Variants in SDK1 observed in about 807,000 individuals in gnomAD.
SDK1 encodes sidekick cell adhesion molecule 1, also known as protein sidekick-1.
Under a neutral mutation model 245.5 loss-of-function variants are expected in SDK1, and 157 were observed. The observed-to-expected ratio is 0.64, with a 90% CI of 0.56 to 0.73. SDK1 has a LOEUF of 0.73. Among genes scored for constraint, SDK1 ranks in the 30% least tolerant of loss-of-function variants. The pLI, the probability that SDK1 is intolerant of heterozygous loss-of-function variation, is 0.00. For synonymous variants in SDK1, 1,647 were observed against 1,278.5 expected (o/e 1.29, Z -6.15); for missense variants, 3,583 against 3,002.3 (o/e 1.19, Z -4.52).
At chr7:3,486,935 T>C (rs1548209) in intron 1 of SDK1, among the ~76,000 whole-genome samples, 90,410 of 152,038 alleles carry the variant, frequency 0.59, 27,291 homozygotes, top group South Asian at 0.77. Flanking sequence ...TTATTACATG[T>C]GTAAAGGTTA....
chr7:3,655,501 A>ATATGTATGTATGTATGCATGTATG (rs1283673481), intron 4 of SDK1, among the ~76,000 whole-genome samples: 3 of 52,818 alleles, frequency 5.7e-5, no homozygotes, highest in African/African-American at 1.7e-4. Context: ...ATATATATAT[A>ATATGTATGTATGTATGCATGTATG]TATGTATGTA....
chr7:3,505,159 C>T (rs941786930), intron 1 of SDK1, among the ~76,000 whole-genome samples: 1 of 152,016 alleles, frequency 6.6e-6, no homozygotes, highest in Non-Finnish European at 1.5e-5. Flanking sequence ...TCTTTTAGGT[C>T]AATTGAATAT....
At chr7:4,109,206 C>T (rs1027965197) in intron 22 of SDK1, among the ~76,000 whole-genome samples, 11 of 152,138 alleles carry the variant, frequency 7.2e-5, no homozygotes, top group African/African-American at 2.7e-4. Flanking sequence ...CTGGCTTATG[C>T]GGTGACTGTG....
chr7:3,445,968 A>G (rs565245778), intron 1 of SDK1, among the ~76,000 whole-genome samples: 2 of 151,972 alleles, frequency 1.3e-5, no homozygotes, highest in Admixed American at 6.6e-5. Context: ...TATTATTTCA[A>G]CTGAGAATGT....
chr7:3,853,072 G>T (rs921163850), intron 5 of SDK1, among the ~76,000 whole-genome samples: 1 of 151,856 alleles, frequency 6.6e-6, no homozygotes, highest in Non-Finnish European at 1.5e-5. Context: ...AAACCCACAC[G>T]TGGGAAAAGT....
intron 1 of SDK1, among the ~76,000 whole-genome samples, chr7:3,321,831 C>CCTT (rs1779821120): frequency 1.0e-5 from 1 of 98,040 alleles, no homozygotes; most frequent in African/African-American, 4.2e-5. Context: ...CTTCCTTCCT[C>CCTT]CTTTTCTCTC....
At chr7:3,591,724 G>T (rs1310825139) in intron 1 of SDK1, among the ~76,000 whole-genome samples, 1 of 152,176 alleles carries the variant, frequency 6.6e-6, no homozygotes, top group East Asian at 1.9e-4. Flanking sequence ...CACTCGTGTG[G>T]GGCATGTGTG....
intron 1 of SDK1, among the ~76,000 whole-genome samples, chr7:3,514,075 T>C (rs1782660053): frequency 6.6e-6 from 1 of 152,178 alleles, no homozygotes; most frequent in Non-Finnish European, 1.5e-5. Context: ...ACTGTTGTGA[T>C]GGAAAATATT....
intron 2 of SDK1, among the ~76,000 whole-genome samples, chr7:3,622,999 A>G (rs74450786): frequency 0.012 from 1,837 of 152,086 alleles, 50 homozygotes; most frequent in African/African-American, 0.042. Context: ...TTCATTTATC[A>G]TATGTTAGCC....
intron 38 of SDK1, among the ~76,000 whole-genome samples, chr7:4,215,578 G>T (rs989413034): frequency 6.6e-6 from 1 of 152,350 alleles, no homozygotes; most frequent in African/African-American, 2.4e-5. Context: ...CCAACCCCCA[G>T]TGAGACTCAA....
chr7:3,619,038 G>A (rs1781854815), intron 1 of SDK1, 42 bp from the exon 2 acceptor site: 1 of 1,451,560 alleles, frequency 6.9e-7, no homozygotes, highest in Non-Finnish European at 9.4e-7. Flanking sequence ...CCACTTTCAT[G>A]CGTACTTCAG....
intron 4 of SDK1, among the ~76,000 whole-genome samples, chr7:3,753,280 C>A (rs184180765): frequency 6.6e-6 from 1 of 152,192 alleles, no homozygotes; most frequent in Non-Finnish European, 1.5e-5. Flanking sequence ...TCCCTGGAAT[C>A]TATTGCTATT....
chr7:3,899,117 T>G (rs1781697342), intron 5 of SDK1, among the ~76,000 whole-genome samples: 2 of 152,234 alleles, frequency 1.3e-5, no homozygotes, highest in African/African-American at 4.8e-5. Flanking sequence ...TCAGTCTTAC[T>G]GGTGACTTTA....
chr7:3,773,097 A>T (rs1780448663), intron 4 of SDK1, among the ~76,000 whole-genome samples: 1 of 152,154 alleles, frequency 6.6e-6, no homozygotes, highest in Non-Finnish European at 1.5e-5. Context: ...CAAATTTGGG[A>T]AGTTTTCAGC....
chr7:3,506,063 A>G (rs769943956), intron 1 of SDK1, among the ~76,000 whole-genome samples: 2 of 152,136 alleles, frequency 1.3e-5, no homozygotes, highest in Non-Finnish European at 2.9e-5. Context: ...CACATTTACC[A>G]TTCATCATAT....
chr7:3,812,678 C>T (rs920043816), intron 4 of SDK1, among the ~76,000 whole-genome samples: 2 of 152,180 alleles, frequency 1.3e-5, no homozygotes, highest in African/African-American at 4.8e-5. Context: ...CCTCTAGTTT[C>T]TTCCCTCTCT....
At chr7:3,815,025 G>A (rs1480674273) in intron 4 of SDK1, among the ~76,000 whole-genome samples, 2 of 143,086 alleles carry the variant, frequency 1.4e-5, no homozygotes, top group Non-Finnish European at 3.0e-5. Flanking sequence ...TGAGACAATG[G>A]GGTTTTCTAG....
intron 1 of SDK1, among the ~76,000 whole-genome samples, chr7:3,489,787 T>C (rs1318113283): frequency 6.6e-6 from 1 of 152,226 alleles, no homozygotes; most frequent in Non-Finnish European, 1.5e-5. Flanking sequence ...CCTATTAAAA[T>C]TTGATCACAA....
chr7:3,411,869 A>G (rs993319969), intron 1 of SDK1, among the ~76,000 whole-genome samples: 1 of 152,156 alleles, frequency 6.6e-6, no homozygotes, highest in South Asian at 2.1e-4. Context: ...GTATGAACCC[A>G]TTGCCTAGAA....
Sources: allele counts gnomAD v4.1 joint callset (sites outside exome capture counted in the v4.1 genomes callset), GRCh38; gene constraint gnomAD v4.1.1; transcripts MANE v1.5; gene names NCBI Gene and HGNC (gene_info 2026-07-23, HGNC 2026-07-21).